ESRRG: variants seen among roughly 807,000 people sequenced by gnomAD.
ESRRG encodes estrogen-related receptor gamma.
ESRRG carries 13 observed loss-of-function variants against 44.0 expected under a neutral mutation model. The observed-to-expected ratio is 0.30, with a 90% confidence interval of 0.19 to 0.47. The LOEUF is 0.47. Among genes scored for constraint, ESRRG ranks in the 20% least tolerant of loss-of-function variants. The probability of loss-of-function intolerance (pLI) is 1.00; values close to 1 mark genes in which losing one functional copy is unlikely to be tolerated. For synonymous variants in ESRRG, 215 were observed against 214.6 expected, an observed-to-expected ratio of 1.00 and a Z score of -0.02; for missense variants, 395 against 580.6, an observed-to-expected ratio of 0.68 and a Z score of 3.29.
At chr1:216,538,971 TAAC>T (rs2051850440) in intron 5 of ESRRG, among the ~76,000 whole-genome samples, 1 of 152,060 alleles carries the variant, frequency 6.6e-6, no homozygotes, top group Non-Finnish European at 1.5e-5. Flanking sequence ...TCATGTCAAT[TAAC>T]AATTACTCTA....
At chr1:216,831,894 T>A (rs112944265) in intron 2 of ESRRG, among the ~76,000 whole-genome samples, 2 of 152,190 alleles carry the variant, frequency 1.3e-5, no homozygotes, top group African/African-American at 4.8e-5. Context: ...ATACATTTTT[T>A]AAAAATAGAA....
Position 216,709,343 on chromosome 1 carries a change from G to A in ESRRG, c.56+13901C>T, listed in dbSNP as rs10656484. On this transcript the variant is annotated intron_variant, in intron 1 of 6. Transcript: ENST00000408911. ...TATATATGTGTATGTGTGTGTGTGT[G>A]TATATATATATATATATATTCAATT... 6.2e-3 allele frequency among the ~76,000 whole-genome samples: 901 copies of A among 145,340 alleles called. 6 individuals carry two copies. Among genetic ancestry groups the A allele is most frequent in the African/African-American group, 0.019 (733 of 38,922 alleles).
chr1:216,828,901 A>G (rs1295193414), intron 2 of ESRRG, among the ~76,000 whole-genome samples: 1 of 152,152 alleles, frequency 6.6e-6, no homozygotes, highest in African/African-American at 2.4e-5. Context: ...TGCACATTTC[A>G]GTGAGCATTT....
At chr1:216,746,716 T>C (rs1421779792) in intron 2 of ESRRG, among the ~76,000 whole-genome samples, 1 of 152,178 alleles carries the variant, frequency 6.6e-6, no homozygotes, top group East Asian at 1.9e-4. Context: ...ATAATAAACA[T>C]GTGCACTGAA....
At chr1:216,791,672 T>C (rs1032673739) in intron 2 of ESRRG, among the ~76,000 whole-genome samples, 1 of 152,212 alleles carries the variant, frequency 6.6e-6, no homozygotes, top group Non-Finnish European at 1.5e-5. Context: ...ATTCACTTTA[T>C]AAGTAAGAAC....
At chr1:217,022,535 C>T (rs781212026) in intron 1 of ESRRG, among the ~76,000 whole-genome samples, 1 of 151,808 alleles carries the variant, frequency 6.6e-6, no homozygotes, top group Admixed American at 6.6e-5. Flanking sequence ...TTTTTTAACG[C>T]TGATTGTACT....
At chr1:217,084,514 A>G (rs1424124591) in intron 1 of ESRRG, among the ~76,000 whole-genome samples, 1 of 152,216 alleles carries the variant, frequency 6.6e-6, no homozygotes, top group East Asian at 1.9e-4. Context: ...ATATCTGGAA[A>G]TATGGTTTAT....
At chr1:216,989,427 C>CAAAA (rs67759463) in intron 1 of ESRRG, among the ~76,000 whole-genome samples, 3 of 79,326 alleles carry the variant, frequency 3.8e-5, no homozygotes, top group East Asian at 3.8e-4. Context: ...GACTCTGTCT[C>CAAAA]AAAAAAAAAA....
intron 1 of ESRRG, among the ~76,000 whole-genome samples, chr1:217,085,206 A>G (rs2092003637): frequency 6.6e-6 from 1 of 152,124 alleles, no homozygotes. Context: ...AGAAATTTTT[A>G]TCAGGAACAT....
At chr1:216,975,448 G>A (rs969317948) in intron 1 of ESRRG, among the ~76,000 whole-genome samples, 1 of 152,192 alleles carries the variant, frequency 6.6e-6, no homozygotes. Context: ...GTTGAGCCCA[G>A]GTAACAGGAG....
chr1:216,981,528 C>G (rs1401725980), intron 1 of ESRRG, among the ~76,000 whole-genome samples: 1 of 152,178 alleles, frequency 6.6e-6, no homozygotes, highest in Non-Finnish European at 1.5e-5. Context: ...CAAAACAACT[C>G]TTCAATAAAT....
At chr1:216,566,958 A>G (rs951781938) in intron 4 of ESRRG, among the ~76,000 whole-genome samples, 3 of 152,196 alleles carry the variant, frequency 2.0e-5, no homozygotes, top group African/African-American at 7.2e-5. Context: ...TTTATTTAAC[A>G]GATTTCCATA....
intron 2 of ESRRG, among the ~76,000 whole-genome samples, chr1:216,892,697 G>A (rs771764849): frequency 5.3e-5 from 8 of 152,218 alleles, no homozygotes; most frequent in African/African-American, 1.9e-4. Flanking sequence ...GCGAAAGGAC[G>A]AAGCAGTGGC....
intron 2 of ESRRG, among the ~76,000 whole-genome samples, chr1:216,749,748 A>G (rs748116736): frequency 8.5e-5 from 13 of 152,172 alleles, no homozygotes; most frequent in Non-Finnish European, 1.8e-4. Flanking sequence ...ACTGGGAAGT[A>G]TAATTACGCA....
chr1:216,564,148 C>T, intron 5 of ESRRG, 71 bp downstream of exon 5: 2 of 934,120 alleles, frequency 2.1e-6, no homozygotes, highest in Non-Finnish European at 1.5e-6. Flanking sequence ...TTGAATTCAC[C>T]CAAATCTATA....
chr1:216,880,300 C>A (rs2096423761), intron 2 of ESRRG, among the ~76,000 whole-genome samples: 1 of 67,580 alleles, frequency 1.5e-5, no homozygotes, highest in Non-Finnish European at 3.0e-5. Flanking sequence ...ACAAGCCTCC[C>A]TCTCAAAAAA....
chr1:216,971,779 A>C (rs1471531399), intron 1 of ESRRG, among the ~76,000 whole-genome samples: 1 of 152,204 alleles, frequency 6.6e-6, no homozygotes, highest in East Asian at 1.9e-4. Context: ...CAAAACACAC[A>C]CACATAAAAG....
At chr1:216,549,682 C>T (rs2055670600) in intron 5 of ESRRG, among the ~76,000 whole-genome samples, 1 of 152,112 alleles carries the variant, frequency 6.6e-6, no homozygotes, top group African/African-American at 2.4e-5. Context: ...CACGTCTTCA[C>T]AGAGAATGGC....
intron 1 of ESRRG, among the ~76,000 whole-genome samples, chr1:217,102,416 A>C (rs1296484311): frequency 2.0e-5 from 3 of 152,160 alleles, no homozygotes; most frequent in African/African-American, 7.2e-5. Context: ...TCTCATGATA[A>C]TCTTATGATG....
Sources: gnomAD v4.1 joint callset for allele counts (sites outside exome capture counted in the v4.1 genomes callset) on GRCh38, gnomAD v4.1.1 for gene constraint, MANE v1.5 for transcripts, NCBI Gene and HGNC (gene_info 2026-07-23, HGNC 2026-07-21) for gene names.